Variants in HS3ST3A1 observed in about 807,000 individuals in gnomAD.
HS3ST3A1 encodes heparan sulfate-glucosamine 3-sulfotransferase 3A1, also known as heparan sulfate glucosamine 3-O-sulfotransferase 3A1.
Under a neutral mutation model 25.7 loss-of-function variants are expected in HS3ST3A1, and 19 were observed. The observed-to-expected ratio is 0.74, with a 90% CI of 0.52 to 1.08. The LOEUF (loss-of-function observed/expected upper bound fraction) is 1.08. HS3ST3A1 is among the 50% of genes least tolerant of loss of function. The probability of loss-of-function intolerance (pLI) is 0.00; values close to 1 mark genes in which losing one functional copy is unlikely to be tolerated. For synonymous variants in HS3ST3A1, 226 were observed against 278.6 expected (o/e 0.81, Z 1.88); for missense variants, 459 against 594.3 (o/e 0.77, Z 2.37).
intron 1 of HS3ST3A1, among the ~76,000 whole-genome samples, chr17:13,545,648 C>G (rs749604444): frequency 6.6e-6 from 1 of 152,176 alleles, no homozygotes; most frequent in Non-Finnish European, 1.5e-5. Context: ...CACGGAGTCC[C>G]GGGAGAAACC....
rs201314219 is a variant in HS3ST3A1 at position 13,502,932 on chromosome 17, G to C, written c.600-6114C>G. Among the ~76,000 whole-genome samples the C allele has an allele frequency of 6.1e-4, 92 of 150,394 alleles. 3 individuals are homozygous for C. The highest frequency in any genetic ancestry group is 5.0e-3 in the Admixed American group (76 of 15,124). ...GTGGTGGCTCACGCCTATAATCCCA[G>C]CACTTTGGGAGGCCAAGGCAGGCCA... On this transcript the variant is annotated intron_variant, in intron 1 of 1. Transcript: ENST00000284110.
chr17:13,508,352 G>A (rs927631473), intron 1 of HS3ST3A1, among the ~76,000 whole-genome samples: 2 of 152,156 alleles, frequency 1.3e-5, no homozygotes, highest in East Asian at 1.9e-4. Context: ...GTTAATTTTG[G>A]GGAACCTCAT....
In HS3ST3A1 at chr17:13,579,357, C is replaced by T. The variant is rs529746834; in HGVS notation, c.599+21174G>A. ...TCAAAAGTATCCCTTATAATAGTCC[C>T]AAATTAAAAAGTACCTTAAAGGGGT... is the stretch of plus-strand genomic sequence containing the variant. On this transcript the variant is annotated intron_variant, in intron 1 of 1. Transcript: ENST00000284110. 8.5e-4 allele frequency among the ~76,000 whole-genome samples: 130 copies of T among 152,076 alleles called. 2 individuals are homozygous for T. In the South Asian group the frequency reaches 0.022, roughly 25 times the overall value.
chr17:13,531,804 C>A (rs1478274618), intron 1 of HS3ST3A1, among the ~76,000 whole-genome samples: 1 of 152,154 alleles, frequency 6.6e-6, no homozygotes, highest in Non-Finnish European at 1.5e-5. Context: ...CAAATTTCTC[C>A]TTTGAAAACC....
chr17:13,523,360 G>T (rs974597541), intron 1 of HS3ST3A1, among the ~76,000 whole-genome samples: 4 of 152,134 alleles, frequency 2.6e-5, no homozygotes, highest in Admixed American at 1.3e-4. Context: ...ACGTAGTAAT[G>T]GGTAAGACAA....
chr17:13,540,837 T>C (rs779183781), intron 1 of HS3ST3A1, among the ~76,000 whole-genome samples: 10 of 152,230 alleles, frequency 6.6e-5, no homozygotes, highest in Non-Finnish European at 8.8e-5. Flanking sequence ...AAGGGATCTC[T>C]GGGACCTCAC....
In HS3ST3A1 at chr17:13,600,691, C is replaced by T. The variant is rs780198203; in HGVS notation, c.439G>A (p.Glu147Lys). The T allele has an allele frequency of 1.3e-6, 2 of 1,577,966 alleles. No homozygotes were observed. Among genetic ancestry groups the T allele is most frequent in the Non-Finnish European group, 1.7e-6 (2 of 1,169,022 alleles). ...GCCTGCGGCAGCTGCTTGCTGCCTT[C>T]GTCCAGGAGCAGCGCCAGGGTCCCC... The part of the protein sequence containing the change: ...PPGTLALLLD[E>K]GSKQLPQAII... The change falls in exon 1 of 2, where the codon GAA (glutamate) becomes AAA (lysine). Residue 147 changes from glutamate (E) to lysine (K), a missense_variant. By Grantham distance (56) the Glu-to-Lys change is moderately conservative. This residue lies in a region of HS3ST3A1 where 346 missense variants were observed against 303.9 expected (regional missense o/e 1.14). Coordinates refer to ENST00000284110, the MANE Select transcript of HS3ST3A1 (RefSeq NM_006042.3).
intron 1 of HS3ST3A1, among the ~76,000 whole-genome samples, chr17:13,554,348 T>C (rs1907318015): frequency 1.3e-5 from 2 of 152,324 alleles, no homozygotes; most frequent in Admixed American, 6.5e-5. Flanking sequence ...GCTCTACTGG[T>C]TCCAATTTTA....
intron 1 of HS3ST3A1, among the ~76,000 whole-genome samples, chr17:13,529,411 A>G (rs1217618960): frequency 6.6e-6 from 1 of 152,206 alleles, no homozygotes; most frequent in African/African-American, 2.4e-5. Context: ...AAGGAAGACC[A>G]TCCATCCTAA....
chr17:13,566,902 A>T (rs775268628), intron 1 of HS3ST3A1, among the ~76,000 whole-genome samples: 3 of 152,274 alleles, frequency 2.0e-5, no homozygotes, highest in Non-Finnish European at 4.4e-5. Context: ...GTACTGACAC[A>T]GAAGTTGCAA....
chr17:13,553,885 C>T (rs1169646051), intron 1 of HS3ST3A1, among the ~76,000 whole-genome samples: 2 of 152,152 alleles, frequency 1.3e-5, no homozygotes, highest in African/African-American at 4.8e-5. Context: ...AATTAAACTT[C>T]CCTTAAAATA....
In HS3ST3A1 at chr17:13,600,577, GCTCGGCGCC is replaced by G; in HGVS notation, c.544_552del (p.Gly182_Glu184del). 6.2e-7 allele frequency: 1 copy of G among 1,601,970 alleles called. No homozygotes were observed. Among genetic ancestry groups the G allele is most frequent in the Non-Finnish European group, 8.5e-7 (1 of 1,178,506 alleles). ...TCGTAGCTGCGGTCGAAGAAGTGGG[GCTCGGCGCC>G]CACGGCGCGCACGTCGGGGTGCACG... On this transcript the variant is annotated inframe_deletion, in exon 1 of 2. Coordinates refer to ENST00000284110, the MANE Select transcript of HS3ST3A1 (RefSeq NM_006042.3).
intron 1 of HS3ST3A1, among the ~76,000 whole-genome samples, chr17:13,542,337 A>G (rs1906960198): frequency 6.6e-6 from 1 of 151,938 alleles, no homozygotes; most frequent in Non-Finnish European, 1.5e-5. Context: ...TCCAAAAAAA[A>G]AAAAAAAAAA....
chr17:13,500,627 C>T (rs1400800235), intron 1 of HS3ST3A1, among the ~76,000 whole-genome samples: 1 of 152,268 alleles, frequency 6.6e-6, no homozygotes, highest in Non-Finnish European at 1.5e-5. Context: ...CCATTCCAAC[C>T]TCCCTTCTGA....
Position 13,549,438 on chromosome 17 carries a change from C to T in HS3ST3A1, c.599+51093G>A, listed in dbSNP as rs371338549. On this transcript the variant is annotated intron_variant, in intron 1 of 1. Transcript: ENST00000284110. ...AAATTCGGGACACAATGTCATCTACCCACAAAGGCTCATAGTTGTTATTGC... is the reference window on the plus strand; with the variant it reads ...AAATTCGGGACACAATGTCATCTACTCACAAAGGCTCATAGTTGTTATTGC... 2.6e-5 allele frequency among the ~76,000 whole-genome samples: 4 copies of T among 152,288 alleles called. No individual in the cohort carries two copies. The East Asian group carries it at 5.8e-4, about 22-fold the overall frequency.
chr17:13,518,445 T>TA (rs1199980162), intron 1 of HS3ST3A1, among the ~76,000 whole-genome samples: 2 of 152,294 alleles, frequency 1.3e-5, no homozygotes, highest in South Asian at 2.1e-4. Context: ...AAACAGGCAA[T>TA]AAAAAAATGT....
At chr17:13,539,808 T>G (rs531145959) in intron 1 of HS3ST3A1, among the ~76,000 whole-genome samples, 1 of 152,348 alleles carries the variant, frequency 6.6e-6, no homozygotes, top group Admixed American at 6.5e-5. Context: ...GTCGTTGAGC[T>G]TCTAAGAGTC....
intron 1 of HS3ST3A1, among the ~76,000 whole-genome samples, chr17:13,520,293 T>C (rs1433431102): frequency 1.3e-5 from 2 of 152,226 alleles, no homozygotes; most frequent in Non-Finnish European, 2.9e-5. Context: ...GCTTAAGCAG[T>C]GATGCGAAAC....
chr17:13,582,623 C>T (rs537199951), intron 1 of HS3ST3A1, among the ~76,000 whole-genome samples: 4 of 152,214 alleles, frequency 2.6e-5, no homozygotes, highest in African/African-American at 9.6e-5. Context: ...AGGAGTTGCA[C>T]GTGAAATGAA....
Sources: allele counts gnomAD v4.1 joint callset (sites outside exome capture counted in the v4.1 genomes callset), GRCh38; gene constraint gnomAD v4.1.1; regional missense constraint gnomAD v4.1.1; transcripts MANE v1.5; gene names NCBI Gene and HGNC (gene_info 2026-07-23, HGNC 2026-07-21).